Variants in MYO1D observed in about 807,000 individuals in gnomAD.
The protein encoded by MYO1D is unconventional myosin-Id.
A neutral mutation model predicts 122.0 loss-of-function variants in MYO1D; 83 were observed. That is an observed-to-expected ratio of 0.68 (90% confidence interval 0.57 to 0.82). The LOEUF (loss-of-function observed/expected upper bound fraction) is 0.82. Among genes scored for constraint, MYO1D ranks in the 40% least tolerant of loss-of-function variants. The pLI, the probability that MYO1D is intolerant of heterozygous loss-of-function variation, is 0.00. For synonymous variants in MYO1D, 464 were observed against 446.9 expected (o/e 1.04, Z -0.48); for missense variants, 1,157 against 1,269.5 (o/e 0.91, Z 1.35).
intron 19 of MYO1D, among the ~76,000 whole-genome samples, chr17:32,641,094 C>A (rs2088193372): frequency 8.8e-6 from 1 of 113,804 alleles, no homozygotes; most frequent in South Asian, 3.7e-4. Flanking sequence ...CCTCCCCCCA[C>A]CCCACAACAG....
intron 20 of MYO1D, among the ~76,000 whole-genome samples, chr17:32,621,972 C>T (rs1434798196): frequency 2.6e-5 from 4 of 152,204 alleles, no homozygotes; most frequent in Non-Finnish European, 5.9e-5. Flanking sequence ...CTTGGACTTC[C>T]AGCCTCCAGA....
chr17:32,685,520 A>T (rs1027696433), intron 16 of MYO1D, among the ~76,000 whole-genome samples: 4 of 152,216 alleles, frequency 2.6e-5, no homozygotes, highest in Admixed American at 2.0e-4. Flanking sequence ...CCACTGTTTA[A>T]CTATATAATG....
intron 20 of MYO1D, among the ~76,000 whole-genome samples, chr17:32,624,721 G>A (rs1261865714): frequency 6.7e-6 from 1 of 149,268 alleles, no homozygotes; most frequent in Non-Finnish European, 1.5e-5. Context: ...CTCTTTAAAG[G>A]TGCTGTTTTT....
intron 1 of MYO1D, among the ~76,000 whole-genome samples, chr17:32,840,729 T>A (rs2151073498): frequency 6.6e-6 from 1 of 152,268 alleles, no homozygotes; most frequent in South Asian, 2.1e-4. Context: ...GAGAGAAAGA[T>A]GATTTCATTT....
At chr17:32,780,154 G>A (rs542901281) in intron 2 of MYO1D, among the ~76,000 whole-genome samples, 3 of 152,134 alleles carry the variant, frequency 2.0e-5, no homozygotes, top group East Asian at 1.9e-4. Flanking sequence ...TGGCCCCCAC[G>A]CCTCAGTAGG....
rs1375689094 is a variant in MYO1D at position 32,653,901 on chromosome 17, T to C, written c.2537A>G (p.Asn846Ser). The part of the protein sequence containing the change: ...QTSGTFVPVA[N>S]ELKRKDKYMN... Reference sequence around the variant, plus strand: ...GTATTTGTCCTTCCGTTTCAATTCATTAGCAACAGGGACAAAAGTGCCTGA... The same window carrying C: ...GTATTTGTCCTTCCGTTTCAATTCACTAGCAACAGGGACAAAAGTGCCTGA... The change falls in exon 19 of 22, where the codon AAT becomes AGT. Residue 846 changes from asparagine (N) to serine (S), a missense_variant. Coordinates refer to ENST00000318217, the MANE Select transcript of MYO1D (RefSeq NM_015194.3). 1 of 1,614,042 alleles carries C rather than the reference T, an allele frequency of 6.2e-7. No homozygotes were observed. The highest frequency in any genetic ancestry group is 8.5e-7 in the Non-Finnish European group (1 of 1,179,974).
intron 21 of MYO1D, among the ~76,000 whole-genome samples, chr17:32,516,315 A>G (rs1447613701): frequency 6.6e-6 from 1 of 152,146 alleles, no homozygotes; most frequent in African/African-American, 2.4e-5. Context: ...CTGGAATCCC[A>G]CATCACAGAA....
intron 1 of MYO1D, 46 bp downstream of exon 1, chr17:32,876,732 G>A (rs1309721457): frequency 1.4e-6 from 2 of 1,449,716 alleles, no homozygotes. Flanking sequence ...CCCCCTCTCG[G>A]GAAAGCGCAG....
intron 12 of MYO1D, among the ~76,000 whole-genome samples, chr17:32,748,463 T>C (rs1055495206): frequency 6.6e-6 from 1 of 152,130 alleles, no homozygotes; most frequent in African/African-American, 2.4e-5. Flanking sequence ...GACCTCTCTA[T>C]ACCCCTCTCA....
intron 1 of MYO1D, among the ~76,000 whole-genome samples, chr17:32,795,413 A>T (rs923735814): frequency 7.6e-5 from 11 of 144,754 alleles, no homozygotes; most frequent in Middle Eastern, 3.5e-3. Context: ...TTCTATTTAA[A>T]TTTTTTTTTT....
In MYO1D at chr17:32,877,008, G is replaced by C; in HGVS notation, c.-136C>G. ...GAGGGGGCGCGCACGCCGCTCGGCG[G>C]GTCCGGGCCGGACAGAGGCCGCCTC... On this transcript the variant is annotated 5_prime_UTR_variant, in exon 1 of 22. Coordinates refer to ENST00000318217, the MANE Select transcript of MYO1D (RefSeq NM_015194.3). 1 of 340,764 alleles carries C rather than the reference G, an allele frequency of 2.9e-6. No homozygotes were observed. The highest frequency in any genetic ancestry group is 4.9e-6 in the Non-Finnish European group (1 of 205,814). 21.1% of individuals were successfully genotyped at this position (340,764 alleles called of 1,614,324 possible).
At chr17:32,667,479 T>C (rs1038491946) in intron 16 of MYO1D, among the ~76,000 whole-genome samples, 2 of 152,222 alleles carry the variant, frequency 1.3e-5, no homozygotes, top group African/African-American at 4.8e-5. Flanking sequence ...GTTTTACAGA[T>C]AAATTAATAA....
At chr17:32,777,310 T>C (rs1052858528) in intron 3 of MYO1D, among the ~76,000 whole-genome samples, 2 of 152,182 alleles carry the variant, frequency 1.3e-5, no homozygotes, top group Non-Finnish European at 2.9e-5. Flanking sequence ...GGTAGTGAAG[T>C]GTAAGTTCTC....
At chr17:32,590,407 CCT>C (rs879873214) in intron 21 of MYO1D, among the ~76,000 whole-genome samples, 2 of 152,174 alleles carry the variant, frequency 1.3e-5, no homozygotes, top group African/African-American at 4.8e-5. Flanking sequence ...TGGTTTATCC[CCT>C]GTGTTTCCAT....
chr17:32,536,907 ACTT>A (rs1330561856), intron 21 of MYO1D, among the ~76,000 whole-genome samples: 1 of 152,160 alleles, frequency 6.6e-6, no homozygotes, highest in Non-Finnish European at 1.5e-5. Flanking sequence ...AAGAGTTCAC[ACTT>A]CTTGTCAGCA....
chr17:32,858,685 G>A (rs2091046462), intron 1 of MYO1D, among the ~76,000 whole-genome samples: 1 of 152,194 alleles, frequency 6.6e-6, no homozygotes, highest in Admixed American at 6.5e-5. Flanking sequence ...GGTAGCATCT[G>A]TCAGGCTTCT....
intron 20 of MYO1D, among the ~76,000 whole-genome samples, chr17:32,623,915 G>A (rs547238156): frequency 1.3e-5 from 2 of 152,262 alleles, no homozygotes; most frequent in African/African-American, 4.8e-5. Context: ...ACCTCCCAAA[G>A]GTCCCATCTC....
intron 1 of MYO1D, among the ~76,000 whole-genome samples, chr17:32,825,650 T>A (rs939236720): frequency 2.6e-5 from 4 of 152,206 alleles, no homozygotes; most frequent in African/African-American, 9.6e-5. Context: ...AAACTATTGA[T>A]AGTTTTAATT....
At chr17:32,835,032 A>C (rs2090809015) in intron 1 of MYO1D, among the ~76,000 whole-genome samples, 1 of 152,096 alleles carries the variant, frequency 6.6e-6, no homozygotes, top group South Asian at 2.1e-4. Context: ...CAAACAAACA[A>C]AAAACCACAT....
Sources: allele counts gnomAD v4.1 joint callset (sites outside exome capture counted in the v4.1 genomes callset), GRCh38; gene constraint gnomAD v4.1.1; transcripts MANE v1.5; gene names NCBI Gene and HGNC (gene_info 2026-07-23, HGNC 2026-07-21).